RPH3AL: variants seen among roughly 807,000 people sequenced by gnomAD.
The protein encoded by RPH3AL is rab effector Noc2.
Under a neutral mutation model 43.1 loss-of-function variants are expected in RPH3AL, and 38 were observed. That is an observed-to-expected ratio of 0.88 (90% CI 0.68 to 1.15). The LOEUF (loss-of-function observed/expected upper bound fraction) is 1.15. RPH3AL is among the 50% of genes most tolerant of loss of function. The pLI, the probability that RPH3AL is intolerant of heterozygous loss-of-function variation, is 0.00. For synonymous variants in RPH3AL, 189 were observed against 176.3 expected (o/e 1.07, Z -0.57); for missense variants, 462 against 423.2 (o/e 1.09, Z -0.81).
At chr17:281,703 C>G (rs2042783546) in intron 6 of RPH3AL, 65 bp downstream of exon 6, 1 of 1,017,330 alleles carries the variant, frequency 9.8e-7, no homozygotes, top group Non-Finnish European at 1.5e-6. Flanking sequence ...GACCGTCCAC[C>G]CATCCCCATC....
chr17:296,501 C>T (rs1046842833), intron 5 of RPH3AL, among the ~76,000 whole-genome samples: 8 of 152,148 alleles, frequency 5.3e-5, no homozygotes, highest in Non-Finnish European at 7.4e-5. Context: ...ACTGTCCTCA[C>T]GGGGCTGGAG....
In RPH3AL at chr17:225,475, A is replaced by G. The variant is rs527766498; in HGVS notation, c.614-5739T>C. The stretch of plus-strand genomic sequence containing the variant: ...ATGAGATGCCAACCTCATGGGTCCC[A>G]TGAAAAAGGGATAGGAGGAGGTGGG... On this transcript the variant is annotated intron_variant, in intron 7 of 9. Coordinates refer to ENST00000331302, the MANE Select transcript of RPH3AL (RefSeq NM_006987.4). This position sits in a 1 kb window ranked among gnomAD's most constrained non-coding sequence, Gnocchi z 4.4. 8.5e-5 allele frequency among the ~76,000 whole-genome samples: 13 copies of G among 152,252 alleles called. No individual in the cohort carries two copies. The highest frequency in any genetic ancestry group is 2.9e-4 in the African/African-American group (12 of 41,546).
At chr17:236,005 G>T (rs111502633) in intron 7 of RPH3AL, among the ~76,000 whole-genome samples, 2,353 of 100,086 alleles carry the variant, frequency 0.024, 109 homozygotes, top group Middle Eastern at 0.036. Flanking sequence ...GGGTCCATGG[G>T]TCAAAGCTGG....
At chr17:258,758 T>TTG (rs2042129468) in intron 6 of RPH3AL, among the ~76,000 whole-genome samples, 3 of 54,372 alleles carry the variant, frequency 5.5e-5, no homozygotes, top group African/African-American at 1.5e-4. Flanking sequence ...AGTCAACCCG[T>TTG]TTTTTTTTTT....
chr17:253,444 G>A (rs1357988750), intron 6 of RPH3AL, among the ~76,000 whole-genome samples: 4 of 152,158 alleles, frequency 2.6e-5, no homozygotes, highest in Non-Finnish European at 5.9e-5. Context: ...GGACTTCCGA[G>A]CTGCTCCTTT....
Position 301,310 on chromosome 17 carries a change from C to CT in RPH3AL, c.351+18109dup, listed in dbSNP as rs912262379. 7.2e-5 allele frequency among the ~76,000 whole-genome samples: 11 copies of CT among 152,162 alleles called. No individual in the cohort carries two copies. In the East Asian group the frequency reaches 1.4e-3, roughly 19 times the overall value. On this transcript the variant is annotated intron_variant, in intron 5 of 9. Coordinates refer to ENST00000331302, the MANE Select transcript of RPH3AL (RefSeq NM_006987.4). ...AGGTACATAGGCAAAGTTCTCTGGG[C>CT]TTTTTTTTCTTGAGACAGGGTCTCA...
At chr17:280,519 A>G (rs560592991) in intron 6 of RPH3AL, among the ~76,000 whole-genome samples, 2 of 152,362 alleles carry the variant, frequency 1.3e-5, no homozygotes, top group Non-Finnish European at 1.5e-5. Context: ...CCCCAGACCC[A>G]GCGGGAGGCA....
chr17:273,078 G>GAGAGACCCCAGCGAGGGCGACGTCAGGA (rs2042544755), intron 6 of RPH3AL, among the ~76,000 whole-genome samples: 1 of 114,578 alleles, frequency 8.7e-6, no homozygotes. Context: ...CGACGTCAGG[G>GAGAGACCCCAGCGAGGGCGACGTCAGGA]AGAGACCCCA....
rs4990302 is a variant in RPH3AL at position 304,914 on chromosome 17, C to G, written c.351+14506G>C. Among the ~76,000 whole-genome samples, 2 of 85,772 alleles carry G rather than the reference C, an allele frequency of 2.3e-5. 1 individual carries two copies. The highest frequency in any genetic ancestry group is 5.1e-5 in the Non-Finnish European group (2 of 39,070). The allele number at this position is 85,772 out of a possible 152,430, so 56.3% of individuals were successfully genotyped here. A position where few individuals can be genotyped will look rare whatever the true frequency, so the allele number is the denominator to read the frequency against. ...GCCACGAGCTCCTAGGGCCAGAGTG[C>G]AAGAGAGGCACAGGGCGAGAGGGGG... is the stretch of plus-strand genomic sequence containing the variant. On this transcript the variant is annotated intron_variant, in intron 5 of 9. Transcript: ENST00000331302.
At chr17:330,476 T>TA (rs2044724630) in intron 2 of RPH3AL, among the ~76,000 whole-genome samples, 1 of 152,250 alleles carries the variant, frequency 6.6e-6, no homozygotes, top group Non-Finnish European at 1.5e-5. Flanking sequence ...TCCCAGCCTT[T>TA]AGAGCACTAT....
intron 5 of RPH3AL, among the ~76,000 whole-genome samples, chr17:304,853 A>G (rs577284567): frequency 1.2e-3 from 173 of 147,724 alleles, no homozygotes; most frequent in African/African-American, 3.9e-3. Context: ...TTCTGTACCA[A>G]GTGGTACAGA....
Position 215,977 on chromosome 17 carries a change from CCCACCCACA to C in RPH3AL, c.728-184_728-176del, listed in dbSNP as rs2040791721. 1.1e-5 allele frequency: 5 copies of C among 462,302 alleles called. No individual in the cohort carries two copies. Among genetic ancestry groups the C allele is most frequent in the Admixed American group, 4.4e-5 (1 of 22,972 alleles). The allele number at this position is 462,302 out of a possible 1,614,324, so 28.6% of individuals were successfully genotyped here. The stretch of plus-strand genomic sequence containing the variant: ...CATGGCTGCCGGGCTCTGGCCTGAC[CCCACCCACA>C]TGGCTGCCGGGCTCTGGCCTGACCC... On this transcript the variant is annotated intron_variant, in intron 8 of 9. Transcript: ENST00000331302. The surrounding 1 kb of genome is among the most constrained non-coding windows in gnomAD (Gnocchi z 4.1).
At chr17:340,453 C>G (rs1390514425) in intron 1 of RPH3AL, among the ~76,000 whole-genome samples, 3 of 110,874 alleles carry the variant, frequency 2.7e-5, no homozygotes, top group East Asian at 2.9e-4. Flanking sequence ...CCCACCCAGG[C>G]CTCCCCACAT....
chr17:253,758 A>G (rs1163677292), intron 6 of RPH3AL, among the ~76,000 whole-genome samples: 1 of 127,576 alleles, frequency 7.8e-6, no homozygotes, highest in African/African-American at 2.9e-5. Context: ...TACCCTACGT[A>G]CTTCCTATGA....
At chr17:221,705 C>T (rs1171707520) in intron 7 of RPH3AL, among the ~76,000 whole-genome samples, 3 of 133,254 alleles carry the variant, frequency 2.3e-5, no homozygotes, top group Non-Finnish European at 4.9e-5. Flanking sequence ...AGACAATAGA[C>T]CCAAGCACAT....
intron 8 of RPH3AL, among the ~76,000 whole-genome samples, chr17:218,058 A>G (rs2040852870): frequency 1.6e-5 from 2 of 124,658 alleles, no homozygotes; most frequent in African/African-American, 6.3e-5. Flanking sequence ...CAGGACCCCC[A>G]AGGCATTTCG....
intron 5 of RPH3AL, among the ~76,000 whole-genome samples, chr17:286,282 C>T (rs2042909094): frequency 6.6e-6 from 1 of 152,170 alleles, no homozygotes; most frequent in East Asian, 1.9e-4. Context: ...CTGCTGGGCC[C>T]ACGAACCTCT....
intron 1 of RPH3AL, among the ~76,000 whole-genome samples, chr17:335,446 C>T (rs1433675788): frequency 3.9e-5 from 6 of 152,036 alleles, no homozygotes; most frequent in Non-Finnish European, 7.4e-5. Context: ...CGCTGCATCA[C>T]GATGCTTAGA....
At chr17:227,896 T>C (rs75226461) in intron 7 of RPH3AL, among the ~76,000 whole-genome samples, 2 of 151,250 alleles carry the variant, frequency 1.3e-5, no homozygotes, top group Non-Finnish European at 1.5e-5. Context: ...AATTCTCTAA[T>C]GTAAAGGAAT....
Sources: allele counts gnomAD v4.1 joint callset (sites outside exome capture counted in the v4.1 genomes callset), GRCh38; gene constraint gnomAD v4.1.1; non-coding constraint Gnocchi (gnomAD v3.1); transcripts MANE v1.5; gene names NCBI Gene and HGNC (gene_info 2026-07-23, HGNC 2026-07-21).